RBM20: variants seen among roughly 807,000 people sequenced by gnomAD.
The protein encoded by RBM20 is RNA binding motif protein 20, also known as RNA-binding protein 20.
In RBM20, 51 loss-of-function variants were observed where a neutral mutation model predicts 110.1. That is an observed-to-expected ratio of 0.46 (90% CI 0.37 to 0.59). RBM20 has a LOEUF of 0.59. Among genes scored for constraint, RBM20 ranks in the 20% least tolerant of loss-of-function variants. The probability of loss-of-function intolerance (pLI) is 0.00; values close to 1 mark genes in which losing one functional copy is unlikely to be tolerated. For synonymous variants in RBM20, 589 were observed against 618.2 expected (o/e 0.95, Z 0.70); for missense variants, 1,512 against 1,574.9 (o/e 0.96, Z 0.68).
At chr10:110,749,197 A>G (rs1843822560) in intron 1 of RBM20, among the ~76,000 whole-genome samples, 1 of 152,250 alleles carries the variant, frequency 6.6e-6, no homozygotes, top group Non-Finnish European at 1.5e-5. Flanking sequence ...AATGAAGCAC[A>G]AGGATGGAAA....
chr10:110,683,565 G>C (rs1029055069), intron 1 of RBM20, among the ~76,000 whole-genome samples: 3 of 152,190 alleles, frequency 2.0e-5, no homozygotes, highest in Admixed American at 6.5e-5. Context: ...GGTTATTTAA[G>C]AGTTTAAAAC....
chr10:110,735,305 G>T (rs1359832446), intron 1 of RBM20, among the ~76,000 whole-genome samples: 3 of 152,134 alleles, frequency 2.0e-5, no homozygotes, highest in Non-Finnish European at 2.9e-5. Flanking sequence ...TCCCCCCATT[G>T]CAGATAAGGG....
intron 1 of RBM20, among the ~76,000 whole-genome samples, chr10:110,656,310 A>G (rs983333757): frequency 4.6e-5 from 7 of 150,948 alleles, no homozygotes; most frequent in South Asian, 4.2e-4. Flanking sequence ...CTCCATCTCG[A>G]AAAAAAAAAT....
Position 110,831,077 on chromosome 10 carries a change from T to C in RBM20, c.3468T>C (p.Val1156=). 1 of 1,551,352 alleles carries C rather than the reference T, an allele frequency of 6.4e-7. No homozygotes were observed. Among genetic ancestry groups the C allele is most frequent in the Non-Finnish European group, 8.7e-7 (1 of 1,146,764 alleles). The change falls in exon 13 of 14, where the codon GTT becomes GTC. Residue 1156 remains valine, a synonymous_variant. Coordinates refer to ENST00000369519, the MANE Select transcript of RBM20 (RefSeq NM_001134363.3). ...LSIPLGVEFV[V]PRTGFYCKLC... ...CTTTCCCAGGGGTGGAGTTCGTGGT[T>C]CCCAGGACTGGCTTTTATTGCAAGC...
At chr10:110,662,324 G>A (rs1862115663) in intron 1 of RBM20, among the ~76,000 whole-genome samples, 1 of 152,148 alleles carries the variant, frequency 6.6e-6, no homozygotes, top group South Asian at 2.1e-4. Flanking sequence ...TTAACACTGT[G>A]CTGACTTCTC....
intron 6 of RBM20, 121 bp from the exon 7 acceptor site, chr10:110,799,666 G>A: frequency 1.1e-6 from 1 of 944,412 alleles, no homozygotes; most frequent in Non-Finnish European, 1.5e-6. Flanking sequence ...GCTAACTCCT[G>A]TCACCGTTGA....
At chr10:110,761,555 G>A (rs2135002913) in intron 1 of RBM20, among the ~76,000 whole-genome samples, 1 of 152,358 alleles carries the variant, frequency 6.6e-6, no homozygotes, top group Non-Finnish European at 1.5e-5. Context: ...CAGTGAGTGG[G>A]TGATGCAGCC....
At chr10:110,744,288 G>A (rs1843753683) in intron 1 of RBM20, among the ~76,000 whole-genome samples, 1 of 152,306 alleles carries the variant, frequency 6.6e-6, no homozygotes, top group South Asian at 2.1e-4. Context: ...TCACCCTGAT[G>A]TGACTCTCCT....
At chr10:110,834,655 C>T (rs777052755) in intron 13 of RBM20, among the ~76,000 whole-genome samples, 1 of 152,248 alleles carries the variant, frequency 6.6e-6, no homozygotes, top group Non-Finnish European at 1.5e-5. Flanking sequence ...ATTCCCCTCC[C>T]TTCACAGATG....
intron 1 of RBM20, among the ~76,000 whole-genome samples, chr10:110,776,571 C>T (rs1844267163): frequency 6.6e-6 from 1 of 152,208 alleles, no homozygotes; most frequent in Admixed American, 6.5e-5. Context: ...CATCTTCTCT[C>T]CTCTCTGACT....
chr10:110,823,480 A>G lies in RBM20; in HGVS notation c.3317A>G (p.Glu1106Gly). The G allele has an allele frequency of 6.8e-7, 1 of 1,473,728 alleles. No individual in the cohort carries two copies. Among genetic ancestry groups the G allele is most frequent in the Middle Eastern group, 1.9e-4 (1 of 5,268 alleles). The allele number at this position is 1,473,728 out of a possible 1,614,324, so 91.3% of individuals were successfully genotyped here. A position where few individuals can be genotyped will look rare whatever the true frequency, so the allele number is the denominator to read the frequency against. ...TTTTGCCTTGGTTCATGTTTTGCAG[A>G]AAACTCCAGGTACGTGGAAATGAAA... ...NQACQEVLTP[E>G]NSRYVEMKSL... is the part of the protein sequence containing the mutation. Residue 1106 changes from glutamate (E) to glycine (G), a missense_variant and splice_region_variant, in exon 12 of 14, where the codon GAA becomes GGA. By Grantham distance (98) the Glu-to-Gly change is moderately conservative (BLOSUM62 -2). This residue lies in a region of RBM20 where 358 missense variants were observed against 384.2 expected (regional missense o/e 0.93). Transcript: ENST00000369519.
intron 1 of RBM20, among the ~76,000 whole-genome samples, chr10:110,775,251 T>G (rs1011741289): frequency 8.5e-5 from 13 of 152,222 alleles, no homozygotes; most frequent in African/African-American, 3.1e-4. Flanking sequence ...CTTTCTATAT[T>G]TTAGCACAAA....
intron 5 of RBM20, among the ~76,000 whole-genome samples, chr10:110,791,408 T>C (rs1176127120): frequency 1.3e-5 from 2 of 152,204 alleles, no homozygotes; most frequent in Non-Finnish European, 2.9e-5. Context: ...TTGAGAGACC[T>C]CTCTCACCCT....
chr10:110,743,229 A>G (rs1489807504), intron 1 of RBM20, among the ~76,000 whole-genome samples: 4 of 152,228 alleles, frequency 2.6e-5, no homozygotes, highest in Non-Finnish European at 5.9e-5. Context: ...AGAGGCTTTC[A>G]CATTCATTAT....
Position 110,644,502 on chromosome 10 carries a change from G to C in RBM20, c.48G>C (p.Pro16=), listed in dbSNP as rs2134792583. The C allele has an allele frequency of 6.6e-7, 1 of 1,525,436 alleles. No homozygotes were observed. 94.5% of individuals were successfully genotyped at this position (1,525,436 alleles called of 1,614,324 possible). The change falls in exon 1 of 14, where the codon CCG becomes CCC. Residue 16 remains proline (P), a synonymous_variant. Coordinates refer to ENST00000369519, the MANE Select transcript of RBM20 (RefSeq NM_001134363.3). This position sits in a 1 kb window ranked among gnomAD's most constrained non-coding sequence, Gnocchi z 4.3. ...GCCAGGACGCGGACCCCAGCGGTCC[G>C]GAGCAGCCGGACAGAGTTGCCTGCA... ...AMSQDADPSG[P]EQPDRVACSV... is the part of the protein sequence containing the mutation.
At chr10:110,688,425 TA>T (rs908650896) in intron 1 of RBM20, among the ~76,000 whole-genome samples, 8 of 152,194 alleles carry the variant, frequency 5.3e-5, no homozygotes, top group African/African-American at 1.7e-4. Context: ...TTTTTCAAAA[TA>T]AAAAAGATTC....
intron 12 of RBM20, among the ~76,000 whole-genome samples, chr10:110,830,825 C>G (rs1483538474): frequency 6.6e-6 from 1 of 152,194 alleles, no homozygotes; most frequent in East Asian, 1.9e-4. Context: ...TACCACACCG[C>G]CGAGTCCATC....
intron 1 of RBM20, among the ~76,000 whole-genome samples, chr10:110,666,592 G>A (rs1423758495): frequency 6.6e-6 from 1 of 152,152 alleles, no homozygotes; most frequent in Non-Finnish European, 1.5e-5. Flanking sequence ...GCTGCAGTGA[G>A]CTATGATTAT....
chr10:110,832,687 T>A (rs1282903882), intron 13 of RBM20, among the ~76,000 whole-genome samples: 1 of 152,240 alleles, frequency 6.6e-6, no homozygotes, highest in East Asian at 1.9e-4. Flanking sequence ...ATCACTTTCC[T>A]CTTTTTACTC....
Sources: allele counts gnomAD v4.1 joint callset (sites outside exome capture counted in the v4.1 genomes callset), GRCh38; gene constraint gnomAD v4.1.1; regional missense constraint gnomAD v4.1.1; non-coding constraint Gnocchi (gnomAD v3.1); transcripts MANE v1.5; gene names NCBI Gene and HGNC (gene_info 2026-07-23, HGNC 2026-07-21).